ATM: variants seen among roughly 807,000 people sequenced by gnomAD.
ATM encodes ATM serine/threonine kinase.
In ATM, 308 loss-of-function variants were observed where a neutral mutation model predicts 387.0. The observed-to-expected ratio is 0.80, with a 90% CI of 0.73 to 0.87. The LOEUF (loss-of-function observed/expected upper bound fraction) is 0.87, where lower values mean the gene tolerates loss of function less well. ATM is among the 40% of genes least tolerant of loss of function. The probability of loss-of-function intolerance (pLI) is 0.00; values close to 1 mark genes in which losing one functional copy is unlikely to be tolerated. For missense variants in ATM, 3,312 were observed against 3,560.9 expected (o/e 0.93, Z 1.78); for synonymous variants, 1,156 against 1,187.3 (o/e 0.97, Z 0.54).
In ATM at chr11:108,281,221, A is replaced by C. The variant is rs2082216847; in HGVS notation, c.3576+53A>C. The C allele has an allele frequency of 6.3e-6, 10 of 1,577,668 alleles. 1 individual carries two copies. The South Asian group carries it at 1.0e-4, about 16-fold the overall frequency. ...AGCTTCCTTAGGTCACTGTGAAATA[A>C]TTTAAAAAGTTAAAGCTAGATTTTC... On this transcript the variant is annotated intron_variant, in intron 24 of 62. Transcript: ENST00000675843.
At chr11:108,297,482 T>C in intron 33 of ATM, 100 bp downstream of exon 33, 1 of 1,041,456 alleles carries the variant, frequency 9.6e-7, no homozygotes, top group South Asian at 1.3e-5. Flanking sequence ...TTCTGTTGCC[T>C]GTAGTATTCA....
chr11:108,266,775 G>A (rs2081272755), intron 16 of ATM, among the ~76,000 whole-genome samples: 1 of 146,986 alleles, frequency 6.8e-6, no homozygotes, highest in African/African-American at 2.5e-5. Flanking sequence ...ACCTTGAATT[G>A]TTTGATTAGG....
chr11:108,288,355 A>G (rs1438158993), intron 27 of ATM, among the ~76,000 whole-genome samples: 1 of 152,120 alleles, frequency 6.6e-6, no homozygotes, highest in African/African-American at 2.4e-5. Context: ...GTCTACAGGC[A>G]TGAGCCGCCG....
intron 53 of ATM, 93 bp downstream of exon 53, chr11:108,332,993 T>A (rs2136582844): frequency 6.8e-7 from 1 of 1,464,378 alleles, no homozygotes; most frequent in Non-Finnish European, 9.3e-7. Flanking sequence ...TAAATCTGCT[T>A]AAAATCACAA....
At chr11:108,331,139 G>A (rs2086193165) in intron 50 of ATM, 2 of 1,088,230 alleles carry the variant, frequency 1.8e-6, no homozygotes, top group Non-Finnish European at 2.2e-6. Flanking sequence ...CAAGATCACA[G>A]TCACACTCAG....
rs376572054 is a variant in ATM at position 108,366,780 on chromosome 11, C to G, written c.*1272C>G. 12 of 230,498 alleles carry G rather than the reference C, an allele frequency of 5.2e-5. No individual in the cohort carries two copies. The highest frequency in any genetic ancestry group is 2.4e-4 in the African/African-American group (11 of 45,198). 14.3% of individuals were successfully genotyped at this position (230,498 alleles called of 1,614,324 possible). On this transcript the variant is annotated 3_prime_UTR_variant, in exon 63 of 63. Coordinates refer to ENST00000675843, the MANE Select transcript of ATM (RefSeq NM_000051.4). ...CAGAATATTTGATTGATGCCTTTTT[C>G]ACTGAGAGTATAAGCTTCCATGTGT...
chr11:108,356,540 TA>T (rs374615780), intron 61 of ATM, among the ~76,000 whole-genome samples: 5,434 of 97,744 alleles, frequency 0.056, 190 homozygotes, highest in African/African-American at 0.13. Context: ...CTGTCTGTCT[TA>T]AAAAAAAAAA....
At position 108,333,941 on chromosome 11, in the gene ATM, T is replaced by C. The variant is rs143972422; in HGVS notation, c.7983T>C (p.Asp2661=). Residue 2661 remains aspartate, a synonymous_variant, in exon 54 of 63, where the codon GAT becomes GAC. Transcript: ENST00000675843. ...QPITKLKNLE[D]VVVPTMEIKV... is the part of the protein sequence containing the mutation. The stretch of plus-strand genomic sequence containing the variant: ...TTACTAAACTTAAGAATTTAGAAGA[T>C]GTTGTTGTCCCTACTATGGAAATTA... 80 of 1,611,520 alleles carry C rather than the reference T, an allele frequency of 5.0e-5. No homozygotes were observed. Among genetic ancestry groups the C allele is most frequent in the African/African-American group, 6.7e-5 (5 of 74,990 alleles).
At chr11:108,311,106 A>G (rs1042429677) in intron 39 of ATM, among the ~76,000 whole-genome samples, 2 of 152,002 alleles carry the variant, frequency 1.3e-5, no homozygotes, top group Non-Finnish European at 2.9e-5. Flanking sequence ...AGCTGGGACT[A>G]TAGGCACACA....
At chr11:108,275,885 A>T (rs950758544) in intron 22 of ATM, among the ~76,000 whole-genome samples, 3 of 152,056 alleles carry the variant, frequency 2.0e-5, no homozygotes, top group Non-Finnish European at 4.4e-5. Flanking sequence ...TGGTCTCTGT[A>T]TTTCCTGAAT....
chr11:108,260,906 C>A (rs989235761), intron 16 of ATM, among the ~76,000 whole-genome samples: 1 of 152,128 alleles, frequency 6.6e-6, no homozygotes, highest in Non-Finnish European at 1.5e-5. Context: ...TCGGGTCACT[C>A]CCCGAATACT....
At chr11:108,335,150 TG>T (rs1565541494) in intron 55 of ATM, 41 bp downstream of exon 55, 1 of 1,613,052 alleles carries the variant, frequency 6.2e-7, no homozygotes, top group African/African-American at 1.3e-5. Flanking sequence ...AGAGTTTTAG[TG>T]ATGAAAATTT....
chr11:108,340,963 C>T, intron 56 of ATM, among the ~76,000 whole-genome samples: 1 of 151,822 alleles, frequency 6.6e-6, no homozygotes, highest in Admixed American at 6.6e-5. Flanking sequence ...ATTTTTGATC[C>T]ACAGTTGGTT....
intron 1 of ATM, chr11:108,225,387 G>GA (rs940962059): frequency 1.3e-5 from 2 of 152,248 alleles, no homozygotes; most frequent in African/African-American, 4.8e-5. Flanking sequence ...GGGGATGGGG[G>GA]AAGTCAGAAG....
At chr11:108,363,263 C>T (rs2090998876) in intron 61 of ATM, among the ~76,000 whole-genome samples, 1 of 152,170 alleles carries the variant, frequency 6.6e-6, no homozygotes, top group Admixed American at 6.5e-5. Flanking sequence ...TTCATTGAGG[C>T]ACAGTCACTA....
rs754706599 is a variant in ATM, at chr11:108,287,719, T to A, written c.4109+4T>A. 2 of 1,604,118 alleles carry A rather than the reference T, an allele frequency of 1.2e-6. No homozygotes were observed. The highest frequency in any genetic ancestry group is 2.7e-5 in the African/African-American group (2 of 74,736). On this transcript the variant is annotated splice_donor_region_variant and intron_variant, in intron 27 of 62. Transcript: ENST00000675843. ...CTGACCTCTGTGACTTTTCAGGGTATGTACATTTTAAACTTAGAGAACTAG... is the reference window on the plus strand; with the variant it reads ...CTGACCTCTGTGACTTTTCAGGGTAAGTACATTTTAAACTTAGAGAACTAG...
intron 48 of ATM, 37 bp from the exon 49 acceptor site, chr11:108,328,984 T>C (rs75008485): frequency 6.4e-7 from 1 of 1,567,808 alleles, no homozygotes; most frequent in Non-Finnish European, 8.8e-7. Context: ...ATTTAGTATT[T>C]GTAAATATAA....
At position 108,325,416 on chromosome 11, in the gene ATM, C is replaced by T. The variant is rs564652222; in HGVS notation, c.6679C>T (p.Arg2227Cys). 11 of 1,613,530 alleles carry T rather than the reference C, an allele frequency of 6.8e-6. No individual in the cohort carries two copies. The highest frequency in any genetic ancestry group is 2.7e-5 in the African/African-American group (2 of 74,870). The change falls in exon 46 of 63, where the codon CGC becomes TGC. Residue 2227 changes from arginine to cysteine, a missense_variant. Arg to Cys is a radical substitution (Grantham distance 180). Coordinates refer to ENST00000675843, the MANE Select transcript of ATM (RefSeq NM_000051.4). ...FSFQEPIMAL[R>C]TVILEILMEK... ...TTTTCAGGAGCCTATCATGGCTCTA[C>T]GCACAGTCATTTTGGAGATCCTGAT...
At chr11:108,299,281 A>C (rs1245253264) in intron 33 of ATM, among the ~76,000 whole-genome samples, 1 of 151,622 alleles carries the variant, frequency 6.6e-6, no homozygotes, top group African/African-American at 2.4e-5. Context: ...ACCTCAACAA[A>C]AATTTTAACA....
Sources: gnomAD v4.1 joint callset for allele counts (sites outside exome capture counted in the v4.1 genomes callset) on GRCh38, gnomAD v4.1.1 for gene constraint, MANE v1.5 for transcripts, NCBI Gene and HGNC (gene_info 2026-07-23, HGNC 2026-07-21) for gene names.